Variants in ZNF565 observed in about 807,000 individuals in gnomAD.
ZNF565 encodes the protein zinc finger protein 565.
Under a neutral mutation model 39.4 loss-of-function variants are expected in ZNF565, and 27 were observed. That is an observed-to-expected ratio of 0.69 (90% CI 0.51 to 0.95). The LOEUF is 0.95. ZNF565 is among the 40% of genes least tolerant of loss of function. ZNF565 has a pLI of 0.00. For synonymous variants in ZNF565, 185 were observed against 216.6 expected (o/e 0.85, Z 1.28); for missense variants, 524 against 621.1 (o/e 0.84, Z 1.66).
intron 1 of ZNF565, among the ~76,000 whole-genome samples, chr19:36,213,994 A>T (rs978121184): frequency 6.6e-6 from 1 of 152,162 alleles, no homozygotes; most frequent in South Asian, 2.1e-4. Flanking sequence ...ATATAGTCAC[A>T]GTCACACACC....
intron 1 of ZNF565, among the ~76,000 whole-genome samples, chr19:36,221,927 C>CTTT (rs60347994): frequency 5.1e-4 from 56 of 109,860 alleles, no homozygotes; most frequent in East Asian, 1.4e-3. Flanking sequence ...TTTTTTCTTT[C>CTTT]TTTTTTTTTT....
Position 36,182,378 on chromosome 19 carries a change from A to T in ZNF565, c.*88T>A. On this transcript the variant is annotated 3_prime_UTR_variant, in exon 5 of 5. Transcript: ENST00000304116. ...GAAGTGACAGGTGTTTTCTGACATT[A>T]ATTACACTACATTAAAAATTACCTA... 8.6e-7 allele frequency: 1 copy of T among 1,165,972 alleles called. No individual in the cohort carries two copies. The highest frequency in any genetic ancestry group is 1.2e-6 in the Non-Finnish European group (1 of 858,506). 72.2% of individuals were successfully genotyped at this position (1,165,972 alleles called of 1,614,324 possible).
chr19:36,240,760 T>C (rs547070752), intron 1 of ZNF565, among the ~76,000 whole-genome samples: 2 of 152,066 alleles, frequency 1.3e-5, no homozygotes, highest in South Asian at 4.2e-4. Flanking sequence ...TCCCAGCTAC[T>C]TGGGAGGCTG....
At chr19:36,195,251 G>A (rs1975715079) in intron 2 of ZNF565, 95 bp from the exon 3 acceptor site, 1 of 1,451,902 alleles carries the variant, frequency 6.9e-7, no homozygotes, top group Non-Finnish European at 9.4e-7. Flanking sequence ...GAGAATAGTT[G>A]ACAGTAATGG....
intron 1 of ZNF565, chr19:36,237,445 C>G (rs961669043): frequency 3.2e-5 from 38 of 1,204,406 alleles, no homozygotes; most frequent in Non-Finnish European, 4.2e-5. Flanking sequence ...GTACTAAAAA[C>G]TTAAGGGACA....
chr19:36,195,325 TTCTA>T (rs1975718143), intron 2 of ZNF565, among the ~76,000 whole-genome samples, 169 bp from the exon 3 acceptor site: 1 of 152,104 alleles, frequency 6.6e-6, no homozygotes, highest in South Asian at 2.1e-4. Context: ...ATCTCTTCCC[TTCTA>T]TCTTTTATTC....
At chr19:36,229,370 C>T (rs1977220960) in intron 1 of ZNF565, among the ~76,000 whole-genome samples, 1 of 152,144 alleles carries the variant, frequency 6.6e-6, no homozygotes, top group Admixed American at 6.6e-5. Flanking sequence ...GTTTTTCCCT[C>T]TGCTACTTTT....
intron 1 of ZNF565, among the ~76,000 whole-genome samples, chr19:36,230,857 A>G (rs942840854): frequency 6.6e-6 from 1 of 152,108 alleles, no homozygotes; most frequent in Non-Finnish European, 1.5e-5. Context: ...GCTGGAGTAC[A>G]GTGGTGCGAT....
At chr19:36,199,510 T>TC (rs1018079257) in intron 2 of ZNF565, among the ~76,000 whole-genome samples, 5 of 148,678 alleles carry the variant, frequency 3.4e-5, no homozygotes, top group Non-Finnish European at 7.5e-5. Flanking sequence ...CTTTCTCTTT[T>TC]TTTTTTTTTT....
intron 1 of ZNF565, among the ~76,000 whole-genome samples, chr19:36,209,508 AAACAAAAAACAAAAAACAAACC>A: frequency 7.1e-6 from 1 of 140,930 alleles, no homozygotes; most frequent in East Asian, 1.9e-4. Flanking sequence ...ACAAAAACAA[AAACAAAAAACAAAAAACAAACC>A]AACAAAAAAC....
intron 1 of ZNF565, among the ~76,000 whole-genome samples, chr19:36,241,997 A>C (rs1568440608): frequency 6.6e-6 from 1 of 152,216 alleles, no homozygotes; most frequent in Non-Finnish European, 1.5e-5. Context: ...TATAATACCA[A>C]AGTATAAGCA....
chr19:36,224,232 C>T (rs919173636), intron 1 of ZNF565, among the ~76,000 whole-genome samples: 2 of 152,158 alleles, frequency 1.3e-5, no homozygotes, highest in African/African-American at 2.4e-5. Flanking sequence ...AAATACAAAA[C>T]ATTAGCTGGG....
At chr19:36,197,948 G>C (rs1975824129) in intron 2 of ZNF565, among the ~76,000 whole-genome samples, 1 of 151,998 alleles carries the variant, frequency 6.6e-6, no homozygotes, top group African/African-American at 2.4e-5. Context: ...AAGAGTTCGA[G>C]ACCAGCCTGG....
In ZNF565 at chr19:36,230,792, C is replaced by G. The variant is rs576162159; in HGVS notation, c.55+14684G>C. Among the ~76,000 whole-genome samples, 3 of 152,044 alleles carry G rather than the reference C, an allele frequency of 2.0e-5. No individual in the cohort carries two copies. The East Asian group carries it at 5.8e-4, about 29-fold the overall frequency. ...TTGGGAGACCCAACAGAGGGCCAGC[C>G]TTCCTTCCTTTTCCTTTTCCTTTTT... On this transcript the variant is annotated intron_variant, in intron 1 of 4. Transcript: ENST00000355114.
At chr19:36,217,055 C>CTTTTTTT (rs752632008), upstream of ZNF565, among the ~76,000 whole-genome samples, 237 of 65,878 alleles carry the variant, frequency 3.6e-3, 23 homozygotes, top group African/African-American at 7.3e-3. Flanking sequence ...CAGTCCCTGT[C>CTTTTTTT]TTTTTTTTTT....
chr19:36,221,368 A>G (rs1284021541), intron 1 of ZNF565, among the ~76,000 whole-genome samples: 1 of 139,870 alleles, frequency 7.1e-6, no homozygotes, highest in African/African-American at 2.8e-5. Context: ...GGCTCACTGC[A>G]AGCTCCGCCT....
At chr19:36,205,344 A>G (rs1261507329) in intron 1 of ZNF565, among the ~76,000 whole-genome samples, 3 of 152,132 alleles carry the variant, frequency 2.0e-5, no homozygotes, top group Admixed American at 6.6e-5. Context: ...CCTGGCCAAC[A>G]TGGTGAAACT....
At chr19:36,193,965 A>G (rs1164013329) in intron 4 of ZNF565, among the ~76,000 whole-genome samples, 4 of 152,134 alleles carry the variant, frequency 2.6e-5, no homozygotes, top group Admixed American at 2.6e-4. Flanking sequence ...GTACAGGTAA[A>G]AAGTTGGCCA....
intron 4 of ZNF565, among the ~76,000 whole-genome samples, chr19:36,185,304 C>A (rs1599909479): frequency 1.3e-5 from 2 of 151,758 alleles, no homozygotes; most frequent in South Asian, 2.1e-4. Context: ...ATCCTAACTA[C>A]CTGGGAGGCT....
Sources: allele counts gnomAD v4.1 joint callset (sites outside exome capture counted in the v4.1 genomes callset), GRCh38; gene constraint gnomAD v4.1.1; transcripts MANE v1.5; gene names NCBI Gene and HGNC (gene_info 2026-07-23, HGNC 2026-07-21).